DTX1: variants seen among roughly 807,000 people sequenced by gnomAD.
DTX1 encodes the protein deltex E3 ubiquitin ligase 1, also known as E3 ubiquitin-protein ligase DTX1.
DTX1 carries 26 observed loss-of-function variants against 57.8 expected under a neutral mutation model. The ratio of observed to expected loss-of-function variants is 0.45; its 90% confidence interval spans 0.33 to 0.62. The LOEUF is 0.62. DTX1 is among the 20% of genes least tolerant of loss of function. The pLI is 0.02. For synonymous variants in DTX1, 398 were observed against 394.1 expected, an observed-to-expected ratio of 1.01 and a Z score of -0.12; for missense variants, 704 against 895.3, an observed-to-expected ratio of 0.79 and a Z score of 2.73.
At chr12:113,075,817 TA>T (rs953145479) in intron 2 of DTX1, among the ~76,000 whole-genome samples, 13 of 148,448 alleles carry the variant, frequency 8.8e-5, no homozygotes, top group South Asian at 4.3e-4. Flanking sequence ...GTGAATGAAT[TA>T]AAAAAAAAAG....
intron 3 of DTX1, among the ~76,000 whole-genome samples, chr12:113,081,140 C>T (rs922685414): frequency 7.9e-5 from 12 of 152,188 alleles, no homozygotes; most frequent in East Asian, 1.9e-4. Context: ...GCCAGGAGTT[C>T]GAGACCAGCA....
At position 113,057,663 on chromosome 12, in the gene DTX1, G is replaced by C. The variant is rs116360778; in HGVS notation, c.-530G>C. On this transcript the variant is annotated 5_prime_UTR_variant, in exon 2 of 10. Coordinates refer to ENST00000548759, the MANE Select transcript of DTX1 (RefSeq NM_004416.3). ...GACGCCCCCTTCGGCAGGAGCCGTC[G>C]GAGAAGGGGGCCCAGACCGGAGGGA... is the stretch of plus-strand genomic sequence containing the variant. 7,054 of 155,244 alleles carry C rather than the reference G, an allele frequency of 0.045. 530 individuals are homozygous for C. Among genetic ancestry groups the C allele is most frequent in the African/African-American group, 0.16 (6,594 of 41,558 alleles). The allele number at this position is 155,244 out of a possible 1,614,324, so 9.6% of individuals were successfully genotyped here. A position where few individuals can be genotyped will look rare whatever the true frequency, so the allele number is the denominator to read the frequency against.
intron 2 of DTX1, among the ~76,000 whole-genome samples, chr12:113,074,616 G>A (rs1415590908): frequency 1.3e-5 from 2 of 152,248 alleles, no homozygotes; most frequent in East Asian, 1.9e-4. Flanking sequence ...AGGATTTTGA[G>A]CAGAGGAAAG....
Position 113,077,470 on chromosome 12 carries a change from G to T in DTX1, c.306G>T (p.Ala102=). ...VRRNFYDPSS[A]PGKGIVWEWE... is the part of the protein sequence containing the mutation. ...GCAACTTCTACGACCCGTCGTCGGC[G>T]CCGGGCAAGGGCATCGTGTGGGAGT... Residue 102 remains alanine (A), a synonymous_variant, in exon 3 of 10, where the codon GCG becomes GCT. Transcript: ENST00000548759. The surrounding 1 kb of genome is among the most constrained non-coding windows in gnomAD (Gnocchi z 7.8). 1 of 1,612,286 alleles carries T rather than the reference G, an allele frequency of 6.2e-7. No individual in the cohort carries two copies. Among genetic ancestry groups the T allele is most frequent in the East Asian group, 2.2e-5 (1 of 44,854 alleles).
In DTX1 at chr12:113,057,940, A is replaced by G; in HGVS notation, c.-253A>G. The stretch of plus-strand genomic sequence containing the variant: ...AGAGCTGTTTCCTCCGGCATAAGAG[A>G]GACACTTGCTTTCCAGGGCAGCACC... On this transcript the variant is annotated 5_prime_UTR_variant, in exon 2 of 10. Coordinates refer to ENST00000548759, the MANE Select transcript of DTX1 (RefSeq NM_004416.3). The G allele has an allele frequency of 1.7e-6, 1 of 574,698 alleles. No homozygotes were observed. Among genetic ancestry groups the G allele is most frequent in the Non-Finnish European group, 2.9e-6 (1 of 339,478 alleles). The allele number at this position is 574,698 out of a possible 1,614,324, so 35.6% of individuals were successfully genotyped here. A position where few individuals can be genotyped will look rare whatever the true frequency, so the allele number is the denominator to read the frequency against.
At chr12:113,092,154 G>A (rs1284893737) in intron 3 of DTX1, among the ~76,000 whole-genome samples, 1 of 152,204 alleles carries the variant, frequency 6.6e-6, no homozygotes, top group African/African-American at 2.4e-5. Flanking sequence ...CTAAGATGGA[G>A]AGAAGTTACA....
chr12:113,072,026 A>G (rs1350994327), intron 2 of DTX1, among the ~76,000 whole-genome samples: 1 of 152,200 alleles, frequency 6.6e-6, no homozygotes, highest in Non-Finnish European at 1.5e-5. Context: ...GAGCTGGCCA[A>G]CGCTGATGTT....
At chr12:113,092,007 C>T (rs1233915799) in intron 3 of DTX1, among the ~76,000 whole-genome samples, 1 of 152,192 alleles carries the variant, frequency 6.6e-6, no homozygotes, top group Admixed American at 6.5e-5. Flanking sequence ...TACACATCAC[C>T]GCAAGCTCTC....
In DTX1 at chr12:113,078,089, G is replaced by A; in HGVS notation, c.925G>A (p.Ala309Thr). Residue 309 changes from alanine (A) to threonine (T), a missense_variant, in exon 3 of 10, where the codon GCC becomes ACC. By Grantham distance (58) the Ala-to-Thr change is moderately conservative. This residue lies in a region of DTX1 where 299 missense variants were observed against 311.2 expected (regional missense o/e 0.96). Coordinates refer to ENST00000548759, the MANE Select transcript of DTX1 (RefSeq NM_004416.3). ...GCGCACCACCAGCGTGAGCGCGCGC[G>A]CCTCCATCCCGCCGGGGTAAGACGG... is the stretch of plus-strand genomic sequence containing the variant. ...PQRTTSVSAR[A>T]SIPPGVPALP... 7.2e-7 allele frequency: 1 copy of A among 1,397,240 alleles called. No individual in the cohort carries two copies. The highest frequency in any genetic ancestry group is 9.3e-7 in the Non-Finnish European group (1 of 1,075,208). 86.6% of individuals were successfully genotyped at this position (1,397,240 alleles called of 1,614,324 possible). A position where few individuals can be genotyped will look rare whatever the true frequency, so the allele number is the denominator to read the frequency against.
chr12:113,057,125 G>A (rs1335821084), intron 1 of DTX1, among the ~76,000 whole-genome samples, 181 bp downstream of exon 1: 1 of 151,748 alleles, frequency 6.6e-6, no homozygotes, highest in African/African-American at 2.4e-5. Flanking sequence ...GGCCGCGCCT[G>A]CAGCGCCGCG....
At chr12:113,094,321 C>T (rs1398262714) in intron 6 of DTX1, among the ~76,000 whole-genome samples, 1 of 152,238 alleles carries the variant, frequency 6.6e-6, no homozygotes, top group African/African-American at 2.4e-5. Flanking sequence ...ATATTTTCCA[C>T]TAAATGTTTT....
rs958910756 is a variant in DTX1, at chr12:113,057,933, A to G, written c.-260A>G. ...GGACTTTAGAGCTGTTTCCTCCGGC[A>G]TAAGAGAGACACTTGCTTTCCAGGG... is the stretch of plus-strand genomic sequence containing the variant. On this transcript the variant is annotated 5_prime_UTR_variant, in exon 2 of 10. Transcript: ENST00000548759. The G allele has an allele frequency of 1.1e-4, 64 of 564,220 alleles. 1 individual carries two copies. The highest frequency in any genetic ancestry group is 1.7e-4 in the Non-Finnish European group (57 of 331,410). The allele number at this position is 564,220 out of a possible 1,614,324, so 35.0% of individuals were successfully genotyped here.
chr12:113,063,295 T>A (rs1238799106), intron 2 of DTX1, among the ~76,000 whole-genome samples: 1 of 152,086 alleles, frequency 6.6e-6, no homozygotes, highest in African/African-American at 2.4e-5. Context: ...GGCTTTCTGC[T>A]CCCAGAGAAG....
At position 113,094,751 on chromosome 12, in the gene DTX1, C is replaced by G. The variant is rs374220260; in HGVS notation, c.1228-38C>G. 2.1e-5 allele frequency: 34 copies of G among 1,598,828 alleles called. No individual in the cohort carries two copies. In the African/African-American group the frequency reaches 4.0e-4, roughly 19 times the overall value. On this transcript the variant is annotated intron_variant, in intron 6 of 9. Transcript: ENST00000548759. ...AGTGCTGACCCAGTAGGTGCCCTGC[C>G]CTCCCCAGTCCTCAGTCTCCCCTGC...
intron 2 of DTX1, among the ~76,000 whole-genome samples, chr12:113,061,468 A>C (rs2044663076): frequency 6.6e-6 from 1 of 152,222 alleles, no homozygotes; most frequent in South Asian, 2.1e-4. Context: ...AAAGAGCCTC[A>C]ACCGGCAGGG....
Position 113,097,266 on chromosome 12 carries a change from G to C in DTX1, c.*327G>C. 3.5e-6 allele frequency: 1 copy of C among 282,428 alleles called. No individual in the cohort carries two copies. Among genetic ancestry groups the C allele is most frequent in the East Asian group, 8.1e-5 (1 of 12,378 alleles). 17.5% of individuals were successfully genotyped at this position (282,428 alleles called of 1,614,324 possible). A position where few individuals can be genotyped will look rare whatever the true frequency, so the allele number is the denominator to read the frequency against. ...ACCCACGTGCCTGTACTTGCCCCCA[G>C]GCTGGAAGAGAAGAGACAGAAAGAC... On this transcript the variant is annotated 3_prime_UTR_variant, in exon 10 of 10. Transcript: ENST00000548759.
Position 113,077,705 on chromosome 12 carries a change from G to A in DTX1, c.541G>A (p.Val181Met), listed in dbSNP as rs1331446085. 2 of 1,543,734 alleles carry A rather than the reference G, an allele frequency of 1.3e-6. No homozygotes were observed. The highest frequency in any genetic ancestry group is 1.4e-5 in the African/African-American group (1 of 72,904). The change falls in exon 3 of 10, where the codon GTG becomes ATG. Residue 181 changes from valine (V) to methionine (M), a missense_variant. Val to Met is a conservative substitution (Grantham distance 21, BLOSUM62 1). Coordinates refer to ENST00000548759, the MANE Select transcript of DTX1 (RefSeq NM_004416.3). This position sits in a 1 kb window ranked among gnomAD's most constrained non-coding sequence, Gnocchi z 7.8. ...CCTGGACCTCGCCTACCCGCTCACC[G>A]TGGGCTCCATCCCTAAGTCGCAGTC... Reference protein sequence around the residue: ...RRLDLAYPLTVGSIPKSQSWP... With the variant: ...RRLDLAYPLTMGSIPKSQSWP...
intron 3 of DTX1, among the ~76,000 whole-genome samples, chr12:113,078,546 C>A (rs757976064): frequency 2.6e-5 from 4 of 152,160 alleles, no homozygotes; most frequent in Admixed American, 2.0e-4. Flanking sequence ...AGCTATGGTG[C>A]CTTCTCATTT....
chr12:113,073,783 T>C (rs946162193), intron 2 of DTX1, among the ~76,000 whole-genome samples: 18 of 152,168 alleles, frequency 1.2e-4, no homozygotes, highest in Non-Finnish European at 2.2e-4. Context: ...CAATTAACAA[T>C]GGAAATGCCT....
Sources: gnomAD v4.1 joint callset for allele counts (sites outside exome capture counted in the v4.1 genomes callset) on GRCh38, gnomAD v4.1.1 for gene constraint, gnomAD v4.1.1 regional missense constraint, Gnocchi (gnomAD v3.1) non-coding constraint, MANE v1.5 for transcripts, NCBI Gene and HGNC (gene_info 2026-07-23, HGNC 2026-07-21) for gene names.